B3GALT1: variants seen among roughly 807,000 people sequenced by gnomAD.
B3GALT1 encodes beta-1,3-galactosyltransferase 1, also known as UDP-Gal:betaGlcNAc beta 1,3-galactosyltransferase, polypeptide 1.
B3GALT1 carries 10 observed loss-of-function variants against 23.2 expected under a neutral mutation model. The observed-to-expected ratio is 0.43, with a 90% CI of 0.27 to 0.73. B3GALT1 has a LOEUF of 0.73. Ranked by LOEUF, B3GALT1 falls within the 30% of genes least tolerant of loss-of-function variation. B3GALT1 has a pLI of 0.21. For synonymous variants in B3GALT1, 156 were observed against 141.5 expected, an observed-to-expected ratio of 1.10 and a Z score of -0.73; for missense variants, 299 against 405.4, an observed-to-expected ratio of 0.74 and a Z score of 2.25.
At chr2:167,579,429 TGTC>T (rs1415509460) in intron 2 of B3GALT1, among the ~76,000 whole-genome samples, 1 of 108,464 alleles carries the variant, frequency 9.2e-6, no homozygotes, top group African/African-American at 5.0e-5. Context: ...TGTTTTTTTT[TGTC>T]TTTTTTTTTT....
intron 3 of B3GALT1, among the ~76,000 whole-genome samples, chr2:167,784,442 T>C (rs1232624201): frequency 1.3e-5 from 2 of 152,186 alleles, no homozygotes; most frequent in Non-Finnish European, 2.9e-5. Context: ...TGCTAATCAT[T>C]GTTATTTTTC....
At chr2:167,710,120 GGT>G (rs1429973082) in intron 3 of B3GALT1, among the ~76,000 whole-genome samples, 3 of 152,118 alleles carry the variant, frequency 2.0e-5, no homozygotes, top group African/African-American at 7.2e-5. Flanking sequence ...TTTTACCCCA[GGT>G]GCAAAGGGTA....
In B3GALT1 at chr2:167,391,098, A is replaced by T. The variant is rs77067649; in HGVS notation, c.-511+97764A>T. 1.1e-3 allele frequency among the ~76,000 whole-genome samples: 172 copies of T among 152,296 alleles called. 1 individual carries two copies. In the East Asian group the frequency reaches 0.018, roughly 16 times the overall value. On this transcript the variant is annotated intron_variant, in intron 1 of 4. Transcript: ENST00000392690. ...ATGTGGAAAGTATGTGAAGGATTCT[A>T]GTTTGCTGGATTCCCACAGATGGAG... is the stretch of plus-strand genomic sequence containing the variant.
chr2:167,336,810 T>C (rs754582353), intron 1 of B3GALT1, among the ~76,000 whole-genome samples: 3 of 152,194 alleles, frequency 2.0e-5, no homozygotes, highest in Admixed American at 6.5e-5. Context: ...TAATAACTTT[T>C]ACAGTTCTAA....
chr2:167,789,072 G>T (rs2105327251), intron 3 of B3GALT1, among the ~76,000 whole-genome samples: 1 of 152,228 alleles, frequency 6.6e-6, no homozygotes, highest in East Asian at 1.9e-4. Flanking sequence ...TCAAGCTAAA[G>T]ACTTCCCTGA....
intron 3 of B3GALT1, among the ~76,000 whole-genome samples, chr2:167,795,358 T>G (rs1423125814): frequency 6.6e-6 from 1 of 152,076 alleles, no homozygotes; most frequent in Non-Finnish European, 1.5e-5. Flanking sequence ...CTTTTGAAAA[T>G]TTTAATTGGG....
chr2:167,488,370 G>T (rs2105340383), intron 1 of B3GALT1, among the ~76,000 whole-genome samples: 1 of 152,302 alleles, frequency 6.6e-6, no homozygotes, highest in Non-Finnish European at 1.5e-5. Flanking sequence ...TCTAATGTCT[G>T]TGAGAATAAG....
intron 3 of B3GALT1, among the ~76,000 whole-genome samples, chr2:167,677,990 A>G (rs1435477017): frequency 1.3e-5 from 2 of 152,138 alleles, no homozygotes; most frequent in African/African-American, 4.8e-5. Flanking sequence ...TGATCTAATC[A>G]CCTTCCAGGA....
chr2:167,499,502 C>T (rs1466498444), intron 2 of B3GALT1, among the ~76,000 whole-genome samples: 1 of 152,078 alleles, frequency 6.6e-6, no homozygotes, highest in African/African-American at 2.4e-5. Context: ...ATAAGCATAT[C>T]ATATTAAGAG....
chr2:167,840,360 G>A (rs921463070), intron 4 of B3GALT1, among the ~76,000 whole-genome samples: 1 of 152,032 alleles, frequency 6.6e-6, no homozygotes, highest in African/African-American at 2.4e-5. Context: ...CAAAAAGTGG[G>A]CAAAGGACAT....
At chr2:167,809,259 C>G (rs1346415203) in intron 3 of B3GALT1, among the ~76,000 whole-genome samples, 1 of 152,078 alleles carries the variant, frequency 6.6e-6, no homozygotes, top group African/African-American at 2.4e-5. Flanking sequence ...GTAGTTTGAT[C>G]GTCTGAAGCC....
At chr2:167,502,044 A>C (rs1386811050) in intron 2 of B3GALT1, among the ~76,000 whole-genome samples, 1 of 152,222 alleles carries the variant, frequency 6.6e-6, no homozygotes, top group African/African-American at 2.4e-5. Context: ...AACGAAAAAT[A>C]AAAGACCATG....
At chr2:167,470,066 C>T (rs1401104333) in intron 1 of B3GALT1, among the ~76,000 whole-genome samples, 1 of 152,112 alleles carries the variant, frequency 6.6e-6, no homozygotes, top group Non-Finnish European at 1.5e-5. Flanking sequence ...TCCTCTGAAT[C>T]CTCATCCTGA....
chr2:167,336,378 G>A (rs1697057442), intron 1 of B3GALT1, among the ~76,000 whole-genome samples: 1 of 152,146 alleles, frequency 6.6e-6, no homozygotes, highest in Non-Finnish European at 1.5e-5. Context: ...GGCACTTACT[G>A]TAATGGCCAT....
At chr2:167,783,209 A>G (rs1164844666) in intron 3 of B3GALT1, among the ~76,000 whole-genome samples, 2 of 152,176 alleles carry the variant, frequency 1.3e-5, no homozygotes, top group Non-Finnish European at 2.9e-5. Flanking sequence ...TAAAAAAAAA[A>G]AGTAATGCCT....
At chr2:167,412,573 G>C (rs934770602) in intron 1 of B3GALT1, among the ~76,000 whole-genome samples, 3 of 152,112 alleles carry the variant, frequency 2.0e-5, no homozygotes, top group Non-Finnish European at 4.4e-5. Flanking sequence ...AGATGAAAAA[G>C]AAAGAACTTG....
chr2:167,486,501 C>T (rs1454553117), intron 1 of B3GALT1, among the ~76,000 whole-genome samples: 1 of 151,822 alleles, frequency 6.6e-6, no homozygotes, highest in East Asian at 1.9e-4. Flanking sequence ...AGGCAGATCA[C>T]TAGGTCAAGA....
chr2:167,591,110 G>T (rs1684671788), intron 2 of B3GALT1, among the ~76,000 whole-genome samples: 1 of 152,148 alleles, frequency 6.6e-6, no homozygotes. Context: ...AGATAAATAA[G>T]TGAAATAAAT....
chr2:167,473,862 T>G (rs1286901524), intron 1 of B3GALT1, among the ~76,000 whole-genome samples: 1 of 152,154 alleles, frequency 6.6e-6, no homozygotes, highest in African/African-American at 2.4e-5. Context: ...CTTCAAGAAC[T>G]TAAATGTCGT....
Sources: allele counts gnomAD v4.1 joint callset (sites outside exome capture counted in the v4.1 genomes callset), GRCh38; gene constraint gnomAD v4.1.1; transcripts MANE v1.5; gene names NCBI Gene and HGNC (gene_info 2026-07-23, HGNC 2026-07-21).